The following HS6ST3 variants were observed in gnomAD, a reference collection of about 807,000 sequenced individuals.
The protein encoded by HS6ST3 is heparan sulfate 6-O-sulfotransferase 3, also known as heparan-sulfate 6-O-sulfotransferase 3.
HS6ST3 carries 12 observed loss-of-function variants against 36.7 expected under a neutral mutation model. The ratio of observed to expected loss-of-function variants is 0.33; its 90% CI spans 0.21 to 0.53. The LOEUF (loss-of-function observed/expected upper bound fraction) is 0.53, where lower values mean the gene tolerates loss of function less well. Among genes scored for constraint, HS6ST3 ranks in the 20% least tolerant of loss-of-function variants. The pLI is 0.95. For synonymous variants in HS6ST3, 240 were observed against 257.5 expected (o/e 0.93, Z 0.65); for missense variants, 584 against 640.9 (o/e 0.91, Z 0.96).
At chr13:96,547,528 C>G (rs2056202150) in intron 1 of HS6ST3, among the ~76,000 whole-genome samples, 1 of 152,098 alleles carries the variant, frequency 6.6e-6, no homozygotes, top group Non-Finnish European at 1.5e-5. Flanking sequence ...GATAGAATAG[C>G]TTTCCCTTAG....
chr13:96,640,186 A>G (rs1178208089), intron 1 of HS6ST3, among the ~76,000 whole-genome samples: 1 of 152,040 alleles, frequency 6.6e-6, no homozygotes, highest in East Asian at 1.9e-4. Context: ...ATTCCCATCA[A>G]CAGCATATTA....
At chr13:96,581,344 A>G (rs533285802) in intron 1 of HS6ST3, among the ~76,000 whole-genome samples, 42 of 151,852 alleles carry the variant, frequency 2.8e-4, no homozygotes, top group African/African-American at 1.0e-3. Flanking sequence ...CTCAGCCTGC[A>G]GAGTAGCTGA....
intron 1 of HS6ST3, among the ~76,000 whole-genome samples, chr13:96,330,239 TGA>T (rs2055058144): frequency 6.6e-6 from 1 of 151,426 alleles, no homozygotes; most frequent in East Asian, 1.9e-4. Context: ...TGTTAGCTGG[TGA>T]TTTTGCTCGT....
chr13:96,535,683 A>G (rs1202208625), intron 1 of HS6ST3, among the ~76,000 whole-genome samples: 1 of 152,172 alleles, frequency 6.6e-6, no homozygotes, highest in Non-Finnish European at 1.5e-5. Flanking sequence ...AATAATTAAT[A>G]TAATGGGGGA....
chr13:96,605,401 G>A (rs571486731), intron 1 of HS6ST3, among the ~76,000 whole-genome samples: 15 of 152,066 alleles, frequency 9.9e-5, no homozygotes, highest in Non-Finnish European at 1.6e-4. Flanking sequence ...AATCCCATCA[G>A]GTTTTATTTA....
chr13:96,817,535 C>G (rs148709973), intron 1 of HS6ST3, among the ~76,000 whole-genome samples: 1 of 152,114 alleles, frequency 6.6e-6, no homozygotes, highest in Non-Finnish European at 1.5e-5. Context: ...TGGGAAGATT[C>G]GAGAGCCCCC....
At chr13:96,280,139 G>A (rs1231544698) in intron 1 of HS6ST3, among the ~76,000 whole-genome samples, 1 of 152,112 alleles carries the variant, frequency 6.6e-6, no homozygotes, top group Non-Finnish European at 1.5e-5. Flanking sequence ...TTTGTGTACA[G>A]TATTAGCTCC....
chr13:96,689,110 C>T (rs904994708), intron 1 of HS6ST3, among the ~76,000 whole-genome samples: 4 of 152,062 alleles, frequency 2.6e-5, no homozygotes, highest in Non-Finnish European at 5.9e-5. Context: ...TTTAACTTCT[C>T]TTAGTTTCCT....
intron 1 of HS6ST3, among the ~76,000 whole-genome samples, chr13:96,583,130 G>A (rs145459444): frequency 1.3e-5 from 2 of 150,670 alleles, no homozygotes; most frequent in African/African-American, 4.9e-5. Context: ...CAACAGGCAG[G>A]GTGATTTTTA....
chr13:96,526,427 C>T (rs1379682230), intron 1 of HS6ST3, among the ~76,000 whole-genome samples: 2 of 152,150 alleles, frequency 1.3e-5, no homozygotes, highest in African/African-American at 4.8e-5. Flanking sequence ...TATTTTATTT[C>T]TGCTGAGATC....
intron 1 of HS6ST3, among the ~76,000 whole-genome samples, chr13:96,224,733 A>G (rs2054472147): frequency 6.6e-6 from 1 of 152,218 alleles, no homozygotes; most frequent in African/African-American, 2.4e-5. Flanking sequence ...AGTTAGAATT[A>G]GGCAGTGCTT....
intron 1 of HS6ST3, among the ~76,000 whole-genome samples, chr13:96,595,234 A>G (rs1313971802): frequency 2.0e-5 from 3 of 152,082 alleles, no homozygotes; most frequent in Non-Finnish European, 4.4e-5. Flanking sequence ...TTTTGTAGAG[A>G]TGGAGTCTTG....
intron 1 of HS6ST3, among the ~76,000 whole-genome samples, chr13:96,255,576 T>C (rs924365365): frequency 6.6e-6 from 1 of 152,182 alleles, no homozygotes; most frequent in East Asian, 1.9e-4. Context: ...ATAGAAGATA[T>C]GTATTTTAAC....
chr13:96,623,933 G>C (rs2056503678), intron 1 of HS6ST3, among the ~76,000 whole-genome samples: 1 of 152,134 alleles, frequency 6.6e-6, no homozygotes, highest in Non-Finnish European at 1.5e-5. Context: ...AAACAGCCCT[G>C]AACTTAAGAT....
intron 1 of HS6ST3, among the ~76,000 whole-genome samples, chr13:96,811,004 TC>T (rs1399570547): frequency 6.6e-6 from 1 of 151,526 alleles, no homozygotes; most frequent in Admixed American, 6.6e-5. Flanking sequence ...TCTCTAGAGA[TC>T]CCCCCTCCCC....
chr13:96,161,632 G>A (rs1483374273), intron 1 of HS6ST3, among the ~76,000 whole-genome samples: 1 of 152,136 alleles, frequency 6.6e-6, no homozygotes, highest in Non-Finnish European at 1.5e-5. Flanking sequence ...GCTATGTTTA[G>A]TTCAAGATTA....
At chr13:96,150,473 G>A (rs1055375762) in intron 1 of HS6ST3, among the ~76,000 whole-genome samples, 6 of 152,072 alleles carry the variant, frequency 3.9e-5, no homozygotes, top group African/African-American at 1.2e-4. Context: ...CCCTGTCTGC[G>A]TAGGAATTTG....
intron 1 of HS6ST3, among the ~76,000 whole-genome samples, chr13:96,221,493 G>A (rs1954157996): frequency 6.6e-6 from 1 of 152,124 alleles, no homozygotes; most frequent in African/African-American, 2.4e-5. Context: ...TTGAGTGAAT[G>A]TGATCTGATT....
intron 1 of HS6ST3, among the ~76,000 whole-genome samples, chr13:96,492,407 A>C (rs551749903): frequency 2.8e-4 from 43 of 152,152 alleles, no homozygotes; most frequent in Admixed American, 2.6e-3. Context: ...GTATAATACC[A>C]CTCTGTGTTG....
Sources: gnomAD v4.1 joint callset for allele counts (sites outside exome capture counted in the v4.1 genomes callset) on GRCh38, gnomAD v4.1.1 for gene constraint, MANE v1.5 for transcripts, NCBI Gene and HGNC (gene_info 2026-07-23, HGNC 2026-07-21) for gene names.